LRP1B: variants seen among roughly 807,000 people sequenced by gnomAD.
LRP1B encodes the protein low-density lipoprotein receptor-related protein 1B.
LRP1B carries 217 observed loss-of-function variants against 556.6 expected under a neutral mutation model. The observed-to-expected ratio is 0.39, with a 90% confidence interval of 0.35 to 0.44. LRP1B has a LOEUF of 0.44. Among genes scored for constraint, LRP1B ranks in the 20% least tolerant of loss-of-function variants. The pLI, the probability that LRP1B is intolerant of heterozygous loss-of-function variation, is 1.00. For synonymous variants in LRP1B, 2,047 were observed against 1,865.8 expected, an observed-to-expected ratio of 1.10 and a Z score of -2.50; for missense variants, 5,053 against 5,620.8, an observed-to-expected ratio of 0.90 and a Z score of 3.23.
rs2104931914 is a variant in LRP1B, at chr2:140,514,694, T to A, written c.8228A>T (p.Asp2743Val). The change falls in exon 51 of 91, where the codon GAT becomes GTT. Residue 2743 changes from aspartate (D) to valine (V), a missense_variant. Asp to Val is a radical substitution (Grantham distance 152). Around this residue, in one of 5 missense-constraint regions of LRP1B, gnomAD observed 3,619 missense variants for 3,931.9 expected, o/e 0.92. Transcript: ENST00000389484. ...ISKHWICDGE[D>V]DCGDGLDESD... ...TTCATCTAACCCATCCCCACAGTCATCTTCTCCATCACAAATCCAATGCTT... is the reference window on the plus strand; with the variant it reads ...TTCATCTAACCCATCCCCACAGTCAACTTCTCCATCACAAATCCAATGCTT... 6.2e-7 allele frequency: 1 copy of A among 1,612,636 alleles called. No homozygotes were observed. Among genetic ancestry groups the A allele is most frequent in the Non-Finnish European group, 8.5e-7 (1 of 1,179,010 alleles).
intron 3 of LRP1B, among the ~76,000 whole-genome samples, chr2:141,418,690 T>A (rs960418680): frequency 1.3e-5 from 2 of 152,144 alleles, no homozygotes; most frequent in African/African-American, 4.8e-5. Flanking sequence ...TTTGTCCATC[T>A]TCCCCAAGGT....
rs866625389 is a variant in LRP1B at position 141,644,784 on chromosome 2, C to T, written c.206-164251G>A. Among the ~76,000 whole-genome samples the T allele has an allele frequency of 2.2e-5, 3 of 138,308 alleles. No individual in the cohort carries two copies. In the East Asian group the frequency reaches 6.2e-4, roughly 29 times the overall value. 90.7% of individuals were successfully genotyped at this position (138,308 alleles called of 152,430 possible). A position where few individuals can be genotyped will look rare whatever the true frequency, so the allele number is the denominator to read the frequency against. ...ACACGCATACACATGCACACACACA[C>T]AACACACACACACACAGGAAAACTC... is the stretch of plus-strand genomic sequence containing the variant. On this transcript the variant is annotated intron_variant, in intron 2 of 90. Transcript: ENST00000389484.
intron 2 of LRP1B, among the ~76,000 whole-genome samples, chr2:141,493,865 C>T (rs6429896): frequency 0.97 from 148,370 of 152,296 alleles, 72,386 homozygotes; most frequent in East Asian, 1. Context: ...GCCTTGATGA[C>T]AGAATACTTA....
intron 1 of LRP1B, among the ~76,000 whole-genome samples, chr2:141,964,911 C>G (rs1701511718): frequency 6.7e-6 from 1 of 150,090 alleles, no homozygotes; most frequent in South Asian, 2.1e-4. Context: ...AAAAAACAAA[C>G]AACCCCATCA....
chr2:140,927,901 T>C (rs1694935510), intron 20 of LRP1B, among the ~76,000 whole-genome samples: 1 of 151,576 alleles, frequency 6.6e-6, no homozygotes, highest in African/African-American at 2.4e-5. Flanking sequence ...TATTTTTTAT[T>C]TTATTTATTT....
At chr2:140,598,479 T>C in intron 43 of LRP1B, 152 bp downstream of exon 43, 1 of 610,914 alleles carries the variant, frequency 1.6e-6, no homozygotes, top group Non-Finnish European at 2.8e-6. Context: ...AATTTTCTTA[T>C]GTGTGTGATA....
chr2:140,450,044 T>C (rs886825430), intron 63 of LRP1B, among the ~76,000 whole-genome samples: 2 of 152,182 alleles, frequency 1.3e-5, no homozygotes, highest in Non-Finnish European at 2.9e-5. Flanking sequence ...TGGTAATATC[T>C]TTAGAGCAAT....
At chr2:140,712,628 A>G (rs1687073353) in intron 37 of LRP1B, among the ~76,000 whole-genome samples, 1 of 151,522 alleles carries the variant, frequency 6.6e-6, no homozygotes, top group Non-Finnish European at 1.5e-5. Flanking sequence ...AATCTTCTCA[A>G]CTTATCTTCT....
chr2:141,650,754 A>G (rs1689755093), intron 2 of LRP1B, among the ~76,000 whole-genome samples: 1 of 152,132 alleles, frequency 6.6e-6, no homozygotes, highest in African/African-American at 2.4e-5. Context: ...TCAGTTTGAA[A>G]AAAAGCCCAT....
At chr2:141,775,597 CTTGAGGGTTATT>C (rs1695038655) in intron 2 of LRP1B, among the ~76,000 whole-genome samples, 1 of 152,110 alleles carries the variant, frequency 6.6e-6, no homozygotes, top group Non-Finnish European at 1.5e-5. Flanking sequence ...TATAGGTGCA[CTTGAGGGTTATT>C]ACCTGGTGGC....
rs756120273 is a variant in LRP1B at position 140,789,618 on chromosome 2, C to CTTTTTTTTTTTT, written c.5360-13392_5360-13381dup. 2.8e-4 allele frequency among the ~76,000 whole-genome samples: 20 copies of CTTTTTTTTTTTT among 71,766 alleles called. 2 individuals are homozygous for CTTTTTTTTTTTT. Among genetic ancestry groups the CTTTTTTTTTTTT allele is most frequent in the Non-Finnish European group, 3.9e-4 (15 of 38,140 alleles). 47.1% of individuals were successfully genotyped at this position (71,766 alleles called of 152,430 possible). A position where few individuals can be genotyped will look rare whatever the true frequency, so the allele number is the denominator to read the frequency against. ...GCCAAGCACGATCTAGCTTTAAGGA[C>CTTTTTTTTTTTT]TTTTTTTTTTTTTTTTTTTTTTTTT... On this transcript the variant is annotated intron_variant, in intron 32 of 90. Coordinates refer to ENST00000389484, the MANE Select transcript of LRP1B (RefSeq NM_018557.3).
chr2:140,434,306 G>T (rs757673999), intron 66 of LRP1B, among the ~76,000 whole-genome samples: 2 of 151,956 alleles, frequency 1.3e-5, no homozygotes, highest in Admixed American at 1.3e-4. Flanking sequence ...CTGACCTCAG[G>T]TGATCCATCC....
chr2:141,971,906 C>CT (rs1347955691), intron 1 of LRP1B, among the ~76,000 whole-genome samples: 4 of 151,560 alleles, frequency 2.6e-5, no homozygotes, highest in Admixed American at 6.6e-5. Context: ...CTCTTCACCC[C>CT]TTTATACCTA....
chr2:140,515,943 T>C (rs1023356541), intron 50 of LRP1B, among the ~76,000 whole-genome samples: 35 of 152,202 alleles, frequency 2.3e-4, no homozygotes, highest in African/African-American at 7.9e-4. Flanking sequence ...TAAATGTAAA[T>C]AGTGAATATA....
intron 1 of LRP1B, among the ~76,000 whole-genome samples, chr2:141,826,355 T>TG (rs1696923165): frequency 5.6e-4 from 1 of 1,786 alleles, no homozygotes; most frequent in African/African-American, 8.4e-4. Flanking sequence ...TTTTCAGAAG[T>TG]TTTTTTTTTT....
rs556078771 is a variant in LRP1B at position 141,651,887 on chromosome 2, A to G, written c.205+158392T>C. Among the ~76,000 whole-genome samples the G allele has an allele frequency of 2.2e-4, 34 of 152,322 alleles. No homozygotes were observed. In the South Asian group the frequency reaches 6.8e-3, roughly 31 times the overall value. On this transcript the variant is annotated intron_variant, in intron 2 of 90. Transcript: ENST00000389484. ...TTGGTTAATTAAACATTTTAAATAT[A>G]TTTGAGCACCTAAAGTATATATCTC...
intron 50 of LRP1B, 66 bp downstream of exon 50, chr2:140,516,823 T>A (rs1450080832): frequency 6.9e-7 from 1 of 1,456,098 alleles, no homozygotes; most frequent in African/African-American, 1.4e-5. Flanking sequence ...AATCCCTACA[T>A]AAGAGAATAC....
At chr2:141,206,586 C>CA (rs11385393) in intron 6 of LRP1B, among the ~76,000 whole-genome samples, 37,331 of 147,576 alleles carry the variant, frequency 0.25, 5,676 homozygotes, top group Middle Eastern at 0.44. Flanking sequence ...GACTCCGTCT[C>CA]AAAAAAAAAA....
chr2:141,764,694 A>AT (rs1694676533), intron 2 of LRP1B, among the ~76,000 whole-genome samples: 1 of 65,766 alleles, frequency 1.5e-5, no homozygotes, highest in Non-Finnish European at 3.9e-5. Flanking sequence ...CAGTCTATGG[A>AT]ATTTTTTTTT....
Sources: allele counts gnomAD v4.1 joint callset (sites outside exome capture counted in the v4.1 genomes callset), GRCh38; gene constraint gnomAD v4.1.1; regional missense constraint gnomAD v4.1.1; transcripts MANE v1.5; gene names NCBI Gene and HGNC (gene_info 2026-07-23, HGNC 2026-07-21).